ESYT1: variants seen among roughly 807,000 people sequenced by gnomAD.
ESYT1 encodes the protein extended synaptotagmin-1.
ESYT1 carries 116 observed loss-of-function variants against 154.2 expected under a neutral mutation model. The observed-to-expected ratio is 0.75, with a 90% CI of 0.65 to 0.88. The LOEUF is 0.88. Among genes scored for constraint, ESYT1 ranks in the 40% least tolerant of loss-of-function variants. The pLI, the probability that ESYT1 is intolerant of heterozygous loss-of-function variation, is 0.00. For synonymous variants in ESYT1, 500 were observed against 539.9 expected (o/e 0.93, Z 1.02); for missense variants, 1,264 against 1,379.3 (o/e 0.92, Z 1.32).
intron 29 of ESYT1, 32 bp downstream of exon 29, chr12:56,143,365 G>C: frequency 6.2e-7 from 1 of 1,606,492 alleles, no homozygotes; most frequent in Non-Finnish European, 8.5e-7. Flanking sequence ...GCAGAGGTGA[G>C]GGCTGGAAGC....
At position 56,132,454 on chromosome 12, in the gene ESYT1, G is replaced by C. The variant is rs1313659713; in HGVS notation, c.1018G>C (p.Gly340Arg). Reference protein sequence around the residue: ...IIRIHLLAARGLSSKDKYVKG... With the variant: ...IIRIHLLAARRLSSKDKYVKG... ...TCGAATTCACCTGCTGGCTGCTCGA[G>C]GGCTGAGTTCCAAGGACAAATATGT... is the stretch of plus-strand genomic sequence containing the variant. The change falls in exon 9 of 31, where the codon GGG becomes CGG. Residue 340 changes from glycine (G) to arginine (R), a missense_variant. By Grantham distance (125) the Gly-to-Arg change is moderately radical. Transcript: ENST00000394048. 2 of 1,614,182 alleles carry C rather than the reference G, an allele frequency of 1.2e-6. No individual in the cohort carries two copies. The highest frequency in any genetic ancestry group is 1.3e-5 in the African/African-American group (1 of 75,050).
chr12:56,144,635 C>A lies in ESYT1; in HGVS notation c.*773C>A, dbSNP rs80289666. ...CTTTACAGTTTTGCACCAACTCTGC[C>A]AAGCCACTGGATCTTACATTAAACA... On this transcript the variant is annotated 3_prime_UTR_variant, in exon 31 of 31. Transcript: ENST00000394048. The A allele has an allele frequency of 1.0e-6, 1 of 985,406 alleles. No homozygotes were observed. The highest frequency in any genetic ancestry group is 1.2e-6 in the Non-Finnish European group (1 of 829,906). 61.0% of individuals were successfully genotyped at this position (985,406 alleles called of 1,614,324 possible). A position where few individuals can be genotyped will look rare whatever the true frequency, so the allele number is the denominator to read the frequency against.
chr12:56,135,773 T>A (rs537294764), intron 15 of ESYT1, among the ~76,000 whole-genome samples: 1 of 151,478 alleles, frequency 6.6e-6, no homozygotes, highest in South Asian at 2.1e-4. Context: ...GTGCCTGTAA[T>A]CCCAGCTACT....
chr12:56,138,180 CA>C lies in ESYT1; in HGVS notation c.2248-2del. On this transcript the variant is annotated splice_acceptor_variant, in intron 20 of 30. Coordinates refer to ENST00000394048, the MANE Select transcript of ESYT1 (RefSeq NM_015292.3). LOFTEE classifies it high-confidence loss of function. ...CAAGTCTTCACCCTGCCTACTTCCA[CA>C]GTGGCTGACCCTGGAGGATGTCCCA... 1 of 1,614,194 alleles carries C rather than the reference CA, an allele frequency of 6.2e-7. No individual in the cohort carries two copies. The highest frequency in any genetic ancestry group is 8.5e-7 in the Non-Finnish European group (1 of 1,180,006).
intron 24 of ESYT1, among the ~76,000 whole-genome samples, chr12:56,141,522 C>T (rs1489852545): frequency 6.6e-6 from 1 of 152,204 alleles, no homozygotes; most frequent in Non-Finnish European, 1.5e-5. Flanking sequence ...GGGCAGATCA[C>T]AAGGTCAGGA....
chr12:56,131,442 T>C, intron 5 of ESYT1, 35 bp from the exon 6 acceptor site: 7 of 1,613,346 alleles, frequency 4.3e-6, no homozygotes, highest in African/African-American at 1.3e-5. Flanking sequence ...GGGACTTTTC[T>C]GGGGAAAGGC....
rs772219988 is a variant in ESYT1 at position 56,137,338 on chromosome 12, T to A, written c.1903T>A (p.Cys635Ser). Residue 635 changes from cysteine to serine, a missense_variant, in exon 17 of 31, where the codon TGT becomes AGT. Transcript: ENST00000394048. The stretch of plus-strand genomic sequence containing the variant: ...CAGTGTGGATGCCCCACCTCGACCC[T>A]GTCACACGACTCCTGATAGCCAGTT... The part of the protein sequence containing the change: ...GSSVDAPPRP[C>S]HTTPDSQFGT... 1 of 1,614,154 alleles carries A rather than the reference T, an allele frequency of 6.2e-7. No homozygotes were observed. The highest frequency in any genetic ancestry group is 8.5e-7 in the Non-Finnish European group (1 of 1,180,014).
In ESYT1 at chr12:56,128,674, ACTCT is replaced by A. The variant is rs762729417; in HGVS notation, c.358_361del (p.Leu120IlefsTer2). The A allele has an allele frequency of 3.7e-6, 6 of 1,613,148 alleles. No homozygotes were observed. The highest frequency in any genetic ancestry group is 1.1e-5 in the South Asian group (1 of 91,042). ...CGACGAGGAGCAGCTCACTGCGAAA[ACTCT>A]CTATATGAGTCATCGAGAGCTACCT... On this transcript the variant is annotated frameshift_variant, in exon 1 of 31. Transcript: ENST00000394048. LOFTEE classifies it high-confidence loss of function.
In ESYT1 at chr12:56,143,750, C is replaced by T; in HGVS notation, c.3276-73C>T. 4 of 1,610,558 alleles carry T rather than the reference C, an allele frequency of 2.5e-6. 1 individual carries two copies. In the South Asian group the frequency reaches 4.4e-5, roughly 18 times the overall value. Reference sequence around the variant, plus strand: ...CCATTGATTCTATCAAGTAGAGAAGCCCTTGGATCGTGTCTCATTTATAAA... The same window carrying T: ...CCATTGATTCTATCAAGTAGAGAAGTCCTTGGATCGTGTCTCATTTATAAA... On this transcript the variant is annotated intron_variant, in intron 30 of 30. Coordinates refer to ENST00000394048, the MANE Select transcript of ESYT1 (RefSeq NM_015292.3).
In ESYT1 at chr12:56,144,312, C is replaced by A; in HGVS notation, c.*450C>A. 9.7e-7 allele frequency: 1 copy of A among 1,034,722 alleles called. No homozygotes were observed. The highest frequency in any genetic ancestry group is 5.0e-5 in the Admixed American group (1 of 19,918). 64.1% of individuals were successfully genotyped at this position (1,034,722 alleles called of 1,614,324 possible). A position where few individuals can be genotyped will look rare whatever the true frequency, so the allele number is the denominator to read the frequency against. On this transcript the variant is annotated 3_prime_UTR_variant, in exon 31 of 31. Coordinates refer to ENST00000394048, the MANE Select transcript of ESYT1 (RefSeq NM_015292.3). The stretch of plus-strand genomic sequence containing the variant: ...GGCTAACCTCTCCAGCTGTGAGCCT[C>A]TTAGACTACTGCATGTAGCAAATGT...
In ESYT1 at chr12:56,142,149, C is replaced by T. The variant is rs1053291188; in HGVS notation, c.2593-136C>T. 18 of 989,316 alleles carry T rather than the reference C, an allele frequency of 1.8e-5. No homozygotes were observed. The highest frequency in any genetic ancestry group is 3.3e-5 in the South Asian group (2 of 60,632). The allele number at this position is 989,316 out of a possible 1,614,324, so 61.3% of individuals were successfully genotyped here. On this transcript the variant is annotated intron_variant, in intron 24 of 30. Transcript: ENST00000394048. This position sits in a 1 kb window ranked among gnomAD's most constrained non-coding sequence, Gnocchi z 4.1. ...AGAGGGAGGGACTAGCAACTGTTAC[C>T]ATGGCTTCCCTGCCTTTCTCAAAGG...
intron 1 of ESYT1, 22 bp from the exon 2 acceptor site, chr12:56,130,560 T>C (rs1341621172): frequency 6.2e-7 from 1 of 1,612,732 alleles, no homozygotes; most frequent in African/African-American, 1.3e-5. Flanking sequence ...CACGTCACTG[T>C]CTCTGCCTTC....
rs1281813193 is a variant in ESYT1, at chr12:56,143,504, AC to A, written c.3226-75del. On this transcript the variant is annotated intron_variant, in intron 29 of 30. Coordinates refer to ENST00000394048, the MANE Select transcript of ESYT1 (RefSeq NM_015292.3). ...GAACATGGTCTTTGGAGATTTCAAA[AC>A]AGCATCATCAGAATGAGATCCTGTC... 1.9e-6 allele frequency: 3 copies of A among 1,593,418 alleles called. No homozygotes were observed. In the African/African-American group the frequency reaches 4.0e-5, roughly 21 times the overall value.
chr12:56,128,385 C>T lies in ESYT1; in HGVS notation c.66C>T (p.Asp22=), dbSNP rs759865291. ...TGGACCAGCCCTCTGCTCCCTCCGA[C>T]CCCACTGACCAGCCCCCCGCTGCTC... ...SPMDQPSAPS[D]PTDQPPAAHA... The change falls in exon 1 of 31, where the codon GAC becomes GAT. Residue 22 remains aspartate (D), a synonymous_variant. Coordinates refer to ENST00000394048, the MANE Select transcript of ESYT1 (RefSeq NM_015292.3). 1.6e-5 allele frequency: 26 copies of T among 1,611,996 alleles called. No homozygotes were observed. Among genetic ancestry groups the T allele is most frequent in the Non-Finnish European group, 2.0e-5 (24 of 1,179,138 alleles).
In ESYT1 at chr12:56,144,122, T is replaced by C; in HGVS notation, c.*260T>C. ...TGTTTCCTGCTTTGCCTGCACATTG[T>C]TCTCCCTTCCTCCCAACTCCTCAGG... is the stretch of plus-strand genomic sequence containing the variant. On this transcript the variant is annotated 3_prime_UTR_variant, in exon 31 of 31. Transcript: ENST00000394048. 7.1e-7 allele frequency: 1 copy of C among 1,402,914 alleles called. No individual in the cohort carries two copies. The highest frequency in any genetic ancestry group is 1.4e-5 in the African/African-American group (1 of 69,284). The allele number at this position is 1,402,914 out of a possible 1,614,324, so 86.9% of individuals were successfully genotyped here.
In ESYT1 at chr12:56,138,256, C is replaced by T; in HGVS notation, c.2321C>T (p.Ala774Val). 1 of 1,614,240 alleles carries T rather than the reference C, an allele frequency of 6.2e-7. No individual in the cohort carries two copies. The highest frequency in any genetic ancestry group is 8.5e-7 in the Non-Finnish European group (1 of 1,180,050). ...RLERLTPRPT[A>V]AELEEVLQVN... ...GAGCGTCTCACCCCCCGTCCCACTG[C>T]TGCTGAGTTAGAGGAGGTAGGGCAG... Residue 774 changes from alanine to valine, a missense_variant, in exon 21 of 31, where the codon GCT becomes GTT. Coordinates refer to ENST00000394048, the MANE Select transcript of ESYT1 (RefSeq NM_015292.3).
intron 4 of ESYT1, 49 bp downstream of exon 4, chr12:56,131,162 C>T (rs1239953935): frequency 1.2e-6 from 2 of 1,612,764 alleles, no homozygotes. Context: ...GTGTCCTGTT[C>T]AGTCCAGGCT....
rs769575047 is a variant in ESYT1, at chr12:56,130,790, G to A, written c.433-1G>A. 1.2e-6 allele frequency: 2 copies of A among 1,613,822 alleles called. No homozygotes were observed. The highest frequency in any genetic ancestry group is 2.2e-5 in the South Asian group (2 of 91,068). ...CTCTGACCATCTCTCTTTCCTCCCA[G>A]ATTGTGGCCCAGGTCTGGCCCTTCC... On this transcript the variant is annotated splice_acceptor_variant, in intron 2 of 30. Coordinates refer to ENST00000394048, the MANE Select transcript of ESYT1 (RefSeq NM_015292.3). LOFTEE classifies it high-confidence loss of function.
intron 14 of ESYT1, 48 bp from the exon 15 acceptor site, chr12:56,134,294 G>A (rs1353392300): frequency 1.2e-6 from 2 of 1,604,154 alleles, no homozygotes; most frequent in East Asian, 4.5e-5. Flanking sequence ...TGCAGAAACA[G>A]GAATGGTGCT....
Sources: allele counts gnomAD v4.1 joint callset (sites outside exome capture counted in the v4.1 genomes callset), GRCh38; gene constraint gnomAD v4.1.1; non-coding constraint Gnocchi (gnomAD v3.1); transcripts MANE v1.5; gene names NCBI Gene and HGNC (gene_info 2026-07-23, HGNC 2026-07-21).